The following TTI1 variants were observed in gnomAD, a reference collection of about 807,000 sequenced individuals.
The protein encoded by TTI1 is TELO2 interacting protein 1.
Under a neutral mutation model 85.4 loss-of-function variants are expected in TTI1, and 52 were observed. The ratio of observed to expected loss-of-function variants is 0.61; its 90% CI spans 0.49 to 0.77. The LOEUF is 0.77. Ranked by LOEUF, TTI1 falls within the 30% of genes least tolerant of loss-of-function variation. The pLI is 0.00. For synonymous variants in TTI1, 512 were observed against 503.9 expected (o/e 1.02, Z -0.22); for missense variants, 1,173 against 1,296.0 (o/e 0.91, Z 1.46).
At chr20:38,007,316 C>T (rs543574524) in intron 2 of TTI1, among the ~76,000 whole-genome samples, 2 of 152,316 alleles carry the variant, frequency 1.3e-5, no homozygotes, top group South Asian at 2.1e-4. Flanking sequence ...CTTCCCTATT[C>T]GGTGGTGCTC....
chr20:38,024,818 T>C (rs575188411), intron 1 of TTI1, among the ~76,000 whole-genome samples: 1 of 152,216 alleles, frequency 6.6e-6, no homozygotes, highest in Non-Finnish European at 1.5e-5. Context: ...CCAGCCCCAG[T>C]GTCAGTGGAG....
intron 1 of TTI1, among the ~76,000 whole-genome samples, chr20:38,032,498 G>T (rs539243018): frequency 5.3e-5 from 8 of 152,240 alleles, no homozygotes; most frequent in Admixed American, 2.6e-4. Context: ...CCCCGTGGCA[G>T]TAAGAAAAAC....
At position 38,013,514 on chromosome 20, in the gene TTI1, A is replaced by G; in HGVS notation, c.303T>C (p.Ser101=). ...ELLQELFSEL[S]ACLYSPSSQK... is the part of the protein sequence containing the mutation. ...GGGAGCTGGGTGAATACAGACAAGCAGAGAGTTCTGAAAAGAGTTCCTGGA... is the reference window on the plus strand; with the variant it reads ...GGGAGCTGGGTGAATACAGACAAGCGGAGAGTTCTGAAAAGAGTTCCTGGA... The change falls in exon 2 of 8, where the codon TCT becomes TCC. Residue 101 remains serine (S), a synonymous_variant. Transcript: ENST00000373447. 6.2e-7 allele frequency: 1 copy of G among 1,614,144 alleles called. No individual in the cohort carries two copies. The highest frequency in any genetic ancestry group is 8.5e-7 in the Non-Finnish European group (1 of 1,180,036).
At chr20:38,022,337 T>C (rs2073781781) in intron 1 of TTI1, among the ~76,000 whole-genome samples, 1 of 152,204 alleles carries the variant, frequency 6.6e-6, no homozygotes, top group Non-Finnish European at 1.5e-5. Context: ...CTCCTTTCCT[T>C]GCCTTTAAAA....
rs547160403 is a variant in TTI1 at position 38,026,385 on chromosome 20, C to T, written c.-42+7019G>A. On this transcript the variant is annotated intron_variant, in intron 1 of 7. Coordinates refer to ENST00000373447, the MANE Select transcript of TTI1 (RefSeq NM_001303457.2). Reference sequence around the variant, plus strand: ...TGTTGGCCAGGCTGGTCTCAAACTCCTGGCCTCAAGTGATCCACCCACCTT... The same window carrying T: ...TGTTGGCCAGGCTGGTCTCAAACTCTTGGCCTCAAGTGATCCACCCACCTT... Among the ~76,000 whole-genome samples, 10 of 152,274 alleles carry T rather than the reference C, an allele frequency of 6.6e-5. No individual in the cohort carries two copies. The East Asian group carries it at 1.2e-3, about 18-fold the overall frequency.
intron 7 of TTI1, among the ~76,000 whole-genome samples, chr20:37,995,423 C>A (rs75682454): frequency 0.029 from 4,438 of 152,362 alleles, 210 homozygotes; most frequent in African/African-American, 0.1. Flanking sequence ...CTAACTCCCA[C>A]CCCACTGAAG....
intron 7 of TTI1, among the ~76,000 whole-genome samples, chr20:37,985,589 G>A (rs920632699): frequency 7.3e-5 from 11 of 151,284 alleles, no homozygotes; most frequent in Admixed American, 1.3e-4. Flanking sequence ...GTGCAATGGC[G>A]CGATCTCAGC....
At chr20:37,986,392 CT>C (rs2073190592) in intron 7 of TTI1, among the ~76,000 whole-genome samples, 3 of 152,226 alleles carry the variant, frequency 2.0e-5, no homozygotes, top group Non-Finnish European at 4.4e-5. Flanking sequence ...AAATAAGCCA[CT>C]CTTTTTGCCC....
chr20:37,996,997 C>A (rs759404562), intron 5 of TTI1, 44 bp from the exon 6 acceptor site: 1 of 1,592,246 alleles, frequency 6.3e-7, no homozygotes, highest in African/African-American at 1.3e-5. Context: ...ATTGCCAAGG[C>A]AGCAAGAGAG....
chr20:37,994,406 A>G (rs1197066819), intron 7 of TTI1, among the ~76,000 whole-genome samples: 2 of 152,272 alleles, frequency 1.3e-5, no homozygotes, highest in Admixed American at 1.3e-4. Context: ...GCGCTGGGAT[A>G]ACAGGCGTAA....
intron 1 of TTI1, 68 bp from the exon 2 acceptor site, chr20:38,013,925 T>C (rs2073643853): frequency 6.8e-7 from 1 of 1,477,544 alleles, no homozygotes. Flanking sequence ...CTTGCATTCA[T>C]TCATTCAACA....
intron 7 of TTI1, among the ~76,000 whole-genome samples, chr20:37,994,064 A>G (rs1188949320): frequency 6.6e-6 from 1 of 152,192 alleles, no homozygotes; most frequent in Non-Finnish European, 1.5e-5. Flanking sequence ...AGAAGAATTA[A>G]GAACAAACAA....
At chr20:38,032,726 C>T (rs2073932381) in intron 1 of TTI1, among the ~76,000 whole-genome samples, 1 of 152,162 alleles carries the variant, frequency 6.6e-6, no homozygotes, top group Admixed American at 6.5e-5. Flanking sequence ...TGAGCGTCAC[C>T]ATGCCTGGCT....
In TTI1 at chr20:38,017,404, T is replaced by TTGTGTGTGTGTG. The variant is rs66542554; in HGVS notation, c.-41-3559_-41-3548dup. On this transcript the variant is annotated intron_variant, in intron 1 of 7. Transcript: ENST00000373447. ...TCAGAGGGAATCAACAATCAATAGCTTGTGTGTGTGTGTGTGTGTGTGTGT... is the reference window on the plus strand; with the variant it reads ...TCAGAGGGAATCAACAATCAATAGCTTGTGTGTGTGTGTGTGTGTGTGTGTGTGTGTGTGTGT... Among the ~76,000 whole-genome samples, 478 of 146,232 alleles carry TTGTGTGTGTGTG rather than the reference T, an allele frequency of 3.3e-3. 1 individual carries two copies. The highest frequency in any genetic ancestry group is 7.7e-3 in the South Asian group (35 of 4,526).
intron 6 of TTI1, 30 bp from the exon 7 acceptor site, chr20:37,996,492 A>G: frequency 3.1e-6 from 5 of 1,609,974 alleles, no homozygotes; most frequent in Non-Finnish European, 4.2e-6. Flanking sequence ...AACAAGCATC[A>G]GCCCTTACAC....
chr20:38,015,929 T>C (rs2073675991), intron 1 of TTI1, among the ~76,000 whole-genome samples: 2 of 152,330 alleles, frequency 1.3e-5, no homozygotes, highest in African/African-American at 2.4e-5. Flanking sequence ...AAAAGATTTA[T>C]CTGGAGACCG....
At chr20:38,006,952 C>T (rs1365067904) in intron 2 of TTI1, among the ~76,000 whole-genome samples, 1 of 152,166 alleles carries the variant, frequency 6.6e-6, no homozygotes, top group Non-Finnish European at 1.5e-5. Flanking sequence ...TCAGCTCTAA[C>T]TGCAATCATT....
chr20:38,023,646 T>C (rs1238992080), intron 1 of TTI1, among the ~76,000 whole-genome samples: 1 of 152,256 alleles, frequency 6.6e-6, no homozygotes, highest in Non-Finnish European at 1.5e-5. Flanking sequence ...ACAGCTTTAC[T>C]TGTGGTTTCC....
intron 4 of TTI1, among the ~76,000 whole-genome samples, chr20:37,999,804 C>T (rs942525525): frequency 6.6e-6 from 1 of 152,200 alleles, no homozygotes; most frequent in Non-Finnish European, 1.5e-5. Flanking sequence ...GAAAGAAGGG[C>T]AGCGTGGAGC....
Sources: gnomAD v4.1 joint callset for allele counts (sites outside exome capture counted in the v4.1 genomes callset) on GRCh38, gnomAD v4.1.1 for gene constraint, MANE v1.5 for transcripts, NCBI Gene and HGNC (gene_info 2026-07-23, HGNC 2026-07-21) for gene names.